Variants in CDK14 observed in about 807,000 individuals in gnomAD.
CDK14 encodes the protein cyclin dependent kinase 14.
In CDK14, 34 loss-of-function variants were observed where a neutral mutation model predicts 60.7. That is an observed-to-expected ratio of 0.56 (90% confidence interval 0.43 to 0.75). The LOEUF is 0.75. Among genes scored for constraint, CDK14 ranks in the 30% least tolerant of loss-of-function variants. The pLI, the probability that CDK14 is intolerant of heterozygous loss-of-function variation, is 0.00. For missense variants in CDK14, 482 were observed against 564.1 expected, an observed-to-expected ratio of 0.85 and a Z score of 1.47; for synonymous variants, 197 against 203.7, an observed-to-expected ratio of 0.97 and a Z score of 0.28.
At chr7:91,125,527 C>A (rs1584096971) in intron 14 of CDK14, among the ~76,000 whole-genome samples, 2 of 152,064 alleles carry the variant, frequency 1.3e-5, no homozygotes, top group South Asian at 4.1e-4. Flanking sequence ...TCTCTGCTAA[C>A]CAACGCATGC....
At chr7:90,971,908 G>A (rs1331283907) in intron 9 of CDK14, among the ~76,000 whole-genome samples, 1 of 152,116 alleles carries the variant, frequency 6.6e-6, no homozygotes, top group Non-Finnish European at 1.5e-5. Flanking sequence ...CTAGTAAGAG[G>A]ATTCTAATCA....
chr7:90,853,195 T>G (rs1045594100), intron 5 of CDK14, among the ~76,000 whole-genome samples: 4 of 152,196 alleles, frequency 2.6e-5, no homozygotes, highest in African/African-American at 9.6e-5. Context: ...AAAGGCCATA[T>G]AATTACGACC....
At chr7:90,727,811 G>T (rs534797836) in intron 3 of CDK14, among the ~76,000 whole-genome samples, 1 of 152,080 alleles carries the variant, frequency 6.6e-6, no homozygotes. Context: ...ATATAGATTG[G>T]TTAACCTCTA....
intron 2 of CDK14, among the ~76,000 whole-genome samples, chr7:90,674,558 A>G (rs1253991941): frequency 1.3e-5 from 2 of 152,228 alleles, no homozygotes; most frequent in Non-Finnish European, 2.9e-5. Flanking sequence ...TTCCATGATT[A>G]TATTTGGAAA....
At chr7:90,637,018 T>C (rs1800169471) in intron 2 of CDK14, among the ~76,000 whole-genome samples, 1 of 152,096 alleles carries the variant, frequency 6.6e-6, no homozygotes, top group Admixed American at 6.6e-5. Context: ...ATTTGATTCT[T>C]CTCTCTTTTT....
At chr7:90,877,983 T>A (rs1331273536) in intron 6 of CDK14, among the ~76,000 whole-genome samples, 1 of 152,102 alleles carries the variant, frequency 6.6e-6, no homozygotes, top group Non-Finnish European at 1.5e-5. Context: ...TAATTTCTCA[T>A]GTTACCAAAT....
At chr7:90,665,517 G>A (rs1311471906) in intron 2 of CDK14, among the ~76,000 whole-genome samples, 1 of 152,164 alleles carries the variant, frequency 6.6e-6, no homozygotes, top group Non-Finnish European at 1.5e-5. Flanking sequence ...TGAGGGTACA[G>A]TTTTTAACCT....
intron 11 of CDK14, among the ~76,000 whole-genome samples, chr7:91,078,606 GA>G (rs57370352): frequency 6.0e-4 from 89 of 149,308 alleles, no homozygotes; most frequent in African/African-American, 2.0e-3. Context: ...GGCTCTGTCT[GA>G]AAAAAAAAAT....
intron 14 of CDK14, among the ~76,000 whole-genome samples, chr7:91,130,637 A>G (rs1462891324): frequency 2.0e-5 from 3 of 152,058 alleles, no homozygotes; most frequent in Admixed American, 1.3e-4. Context: ...TAATATCTCA[A>G]TTTTTCTAGT....
At chr7:90,910,325 A>T (rs1353723514) in intron 7 of CDK14, among the ~76,000 whole-genome samples, 1 of 152,214 alleles carries the variant, frequency 6.6e-6, no homozygotes. Context: ...AAATGGAATG[A>T]ATCATGATGA....
intron 14 of CDK14, among the ~76,000 whole-genome samples, chr7:91,148,013 A>G (rs1227004432): frequency 6.6e-6 from 1 of 152,194 alleles, no homozygotes; most frequent in Non-Finnish European, 1.5e-5. Context: ...ATCAATAGCT[A>G]TCTCTGGCTT....
intron 10 of CDK14, among the ~76,000 whole-genome samples, chr7:91,014,214 G>A (rs555668409): frequency 1.7e-4 from 26 of 152,194 alleles, no homozygotes; most frequent in Middle Eastern, 3.4e-3. Flanking sequence ...GGGGGTTGGG[G>A]AACAAGGGAG....
chr7:90,655,396 T>G (rs1176168466), intron 2 of CDK14, among the ~76,000 whole-genome samples: 1 of 152,034 alleles, frequency 6.6e-6, no homozygotes, highest in East Asian at 1.9e-4. Context: ...TTCGAGATGG[T>G]CTATCGGTTT....
intron 2 of CDK14, among the ~76,000 whole-genome samples, chr7:90,617,620 C>T (rs569794714): frequency 6.6e-6 from 1 of 152,098 alleles, no homozygotes; most frequent in Non-Finnish European, 1.5e-5. Flanking sequence ...CTGAAGAGAA[C>T]ATGGTTGATT....
chr7:91,057,425 C>T (rs1357158270), intron 11 of CDK14, among the ~76,000 whole-genome samples: 12 of 151,956 alleles, frequency 7.9e-5, no homozygotes, highest in Non-Finnish European at 1.2e-4. Flanking sequence ...TCCCATTTGT[C>T]AATTTTGGCT....
intron 12 of CDK14, among the ~76,000 whole-genome samples, chr7:91,107,166 C>G (rs1407267540): frequency 2.0e-5 from 3 of 152,194 alleles, no homozygotes; most frequent in African/African-American, 7.2e-5. Context: ...TACTCCAAAG[C>G]ACTGAAGATT....
intron 14 of CDK14, among the ~76,000 whole-genome samples, chr7:91,175,458 A>G (rs1801700824): frequency 6.6e-6 from 1 of 152,134 alleles, no homozygotes; most frequent in Admixed American, 6.5e-5. Flanking sequence ...ACACATAACA[A>G]TATTAACTTT....
At chr7:90,711,438 T>G (rs997353646) in intron 2 of CDK14, among the ~76,000 whole-genome samples, 1 of 152,080 alleles carries the variant, frequency 6.6e-6, no homozygotes, top group African/African-American at 2.4e-5. Flanking sequence ...GAATCTTGTG[T>G]TTTAGCTATT....
chr7:91,164,848 A>ACAT (rs941604721), intron 14 of CDK14, among the ~76,000 whole-genome samples: 1 of 152,198 alleles, frequency 6.6e-6, no homozygotes, highest in African/African-American at 2.4e-5. Flanking sequence ...AATTTGTAAA[A>ACAT]CATCATGTCA....
Sources: gnomAD v4.1 joint callset for allele counts (sites outside exome capture counted in the v4.1 genomes callset) on GRCh38, gnomAD v4.1.1 for gene constraint, MANE v1.5 for transcripts, NCBI Gene and HGNC (gene_info 2026-07-23, HGNC 2026-07-21) for gene names.